ALDOB: variants seen among roughly 807,000 people sequenced by gnomAD.
ALDOB encodes the protein aldolase, fructose-bisphosphate B, also known as fructose-bisphosphate aldolase B.
A neutral mutation model predicts 41.0 loss-of-function variants in ALDOB; 39 were observed. That is an observed-to-expected ratio of 0.95 (90% CI 0.74 to 1.24). The LOEUF is 1.24. Among genes scored for constraint, ALDOB ranks in the 50% most tolerant of loss-of-function variants. The pLI is 0.00. For synonymous variants in ALDOB, 175 were observed against 168.8 expected (o/e 1.04, Z -0.28); for missense variants, 530 against 457.3 (o/e 1.16, Z -1.45).
intron 3 of ALDOB, 81 bp downstream of exon 3, chr9:101,429,674 G>A (rs1353593807): frequency 4.8e-6 from 6 of 1,254,658 alleles, no homozygotes; most frequent in South Asian, 1.2e-5. Context: ...AGAATGTTCA[G>A]AGTGTTGGCC....
chr9:101,425,760 A>G (rs1831119311), intron 6 of ALDOB, 133 bp from the exon 7 acceptor site: 4 of 951,232 alleles, frequency 4.2e-6, no homozygotes, highest in Non-Finnish European at 6.5e-6. Context: ...TTCTGAACCA[A>G]TCTCCAGGCC....
At position 101,424,836 on chromosome 9, in the gene ALDOB, A is replaced by G; in HGVS notation, c.999+7T>C. 1 of 1,612,568 alleles carries G rather than the reference A, an allele frequency of 6.2e-7. No individual in the cohort carries two copies. Among genetic ancestry groups the G allele is most frequent in the Non-Finnish European group, 8.5e-7 (1 of 1,179,960 alleles). On this transcript the variant is annotated splice_region_variant and intron_variant, in intron 8 of 8. Transcript: ENST00000647789. The stretch of plus-strand genomic sequence containing the variant: ...CATCAAGTAGATAAGAGGTGGCAGC[A>G]TCTTACCATGGCCCGCTTCATAAAA...
rs17772869 is a variant in ALDOB, at chr9:101,421,603, G to A, written c.*206C>T. 3 of 633,478 alleles carry A rather than the reference G, an allele frequency of 4.7e-6. No homozygotes were observed. The East Asian group carries it at 8.6e-5, about 18-fold the overall frequency. 39.2% of individuals were successfully genotyped at this position (633,478 alleles called of 1,614,324 possible). A position where few individuals can be genotyped will look rare whatever the true frequency, so the allele number is the denominator to read the frequency against. On this transcript the variant is annotated 3_prime_UTR_variant, in exon 9 of 9. Coordinates refer to ENST00000647789, the MANE Select transcript of ALDOB (RefSeq NM_000035.4). ...CTGAAAGTGTTGCAAGGAAACTGCT[G>A]TGTGAAATTTGATCAGGTCCTTGGT...
In ALDOB at chr9:101,430,760, T is replaced by G. The variant is rs1831206701; in HGVS notation, c.112+16A>C. On this transcript the variant is annotated intron_variant, in intron 2 of 8. Coordinates refer to ENST00000647789, the MANE Select transcript of ALDOB (RefSeq NM_000035.4). ...ATAATATGTTGTTATATGATGAGAC[T>G]GCTTTTTACACTCACCTACAGATTC... 6.4e-7 allele frequency: 1 copy of G among 1,569,114 alleles called. No homozygotes were observed. The highest frequency in any genetic ancestry group is 8.8e-7 in the Non-Finnish European group (1 of 1,139,176).
rs745872339 is a variant in ALDOB at position 101,428,464 on chromosome 9, C to G, written c.379+5G>C. On this transcript the variant is annotated splice_donor_5th_base_variant and intron_variant, in intron 4 of 8. Transcript: ENST00000647789. Reference sequence around the variant, plus strand: ...ATGATTCATCTCAGTGGGCAATATCCTTACCTTGAATGGTGGTTTCTTTGT... The same window carrying G: ...ATGATTCATCTCAGTGGGCAATATCGTTACCTTGAATGGTGGTTTCTTTGT... 1.2e-6 allele frequency: 2 copies of G among 1,613,434 alleles called. No homozygotes were observed. Among genetic ancestry groups the G allele is most frequent in the Non-Finnish European group, 8.5e-7 (1 of 1,179,366 alleles).
chr9:101,431,971 G>A (rs1270256641), intron 1 of ALDOB, among the ~76,000 whole-genome samples: 3 of 152,102 alleles, frequency 2.0e-5, no homozygotes, highest in Admixed American at 6.5e-5. Context: ...ATTATAGCAG[G>A]TATTATCTTC....
At chr9:101,424,818 T>G in intron 8 of ALDOB, 25 bp downstream of exon 8, 2 of 1,611,320 alleles carry the variant, frequency 1.2e-6, no homozygotes, top group Non-Finnish European at 1.7e-6. Context: ...CATCATCAAG[T>G]AGATAAGAGG....
chr9:101,430,941 C>T (rs1470419658), intron 1 of ALDOB, 44 bp from the exon 2 acceptor site: 4 of 1,383,980 alleles, frequency 2.9e-6, no homozygotes, highest in South Asian at 1.2e-5. Context: ...CCATGGGTGG[C>T]TCAGATGGAT....
Position 101,421,840 on chromosome 9 carries a change from T to C in ALDOB, c.1064A>G (p.Gln355Arg), listed in dbSNP as rs771249114. 1.2e-6 allele frequency: 2 copies of C among 1,614,078 alleles called. No individual in the cohort carries two copies. Among genetic ancestry groups the C allele is most frequent in the East Asian group, 2.2e-5 (1 of 44,882 alleles). ...HTGSSGAAST[Q>R]SLFTACYTY ...GGTATAGCAGGCTGTGAAGAGCGACTGGGTGGAAGCAGCCCCAGAAGAACC... is the reference window on the plus strand; with the variant it reads ...GGTATAGCAGGCTGTGAAGAGCGACCGGGTGGAAGCAGCCCCAGAAGAACC... Residue 355 changes from glutamine (Q) to arginine (R), a missense_variant, in exon 9 of 9, where the codon CAG becomes CGG. By Grantham distance (43) the Gln-to-Arg change is conservative. Coordinates refer to ENST00000647789, the MANE Select transcript of ALDOB (RefSeq NM_000035.4).
rs540403326 is a variant in ALDOB at position 101,422,404 on chromosome 9, A to G, written c.1000-500T>C. On this transcript the variant is annotated intron_variant, in intron 8 of 8. Coordinates refer to ENST00000647789, the MANE Select transcript of ALDOB (RefSeq NM_000035.4). ...TATTTGAATGTCACTCAGTGGTACC[A>G]CTTCTTCCAGTCAGTGTTGCTATTG... is the stretch of plus-strand genomic sequence containing the variant. 8.5e-4 allele frequency among the ~76,000 whole-genome samples: 130 copies of G among 152,316 alleles called. 1 individual carries two copies. Among genetic ancestry groups the G allele is most frequent in the African/African-American group, 3.1e-3 (128 of 41,574 alleles).
At chr9:101,432,822 G>T (rs1160038363) in intron 1 of ALDOB, among the ~76,000 whole-genome samples, 1 of 152,056 alleles carries the variant, frequency 6.6e-6, no homozygotes, top group Non-Finnish European at 1.5e-5. Flanking sequence ...TGAGCTTGAT[G>T]AAAAAAATGG....
chr9:101,421,956 C>T (rs1831054380), intron 8 of ALDOB, 52 bp from the exon 9 acceptor site: 1 of 1,474,922 alleles, frequency 6.8e-7, no homozygotes, highest in East Asian at 2.3e-5. Context: ...GTGACCCCAC[C>T]TTGACCCTGT....
chr9:101,420,622 A>G lies in ALDOB; in HGVS notation c.*1187T>C, dbSNP rs1387594631. On this transcript the variant is annotated 3_prime_UTR_variant, in exon 9 of 9. Transcript: ENST00000647789. ...ATATATATTTTTATGATTTACATCC[A>G]TTTCTTTTATTACTTAAATAGAATT... 1 of 152,150 alleles carries G rather than the reference A, an allele frequency of 6.6e-6. No individual in the cohort carries two copies. Among genetic ancestry groups the G allele is most frequent in the East Asian group, 1.9e-4 (1 of 5,198 alleles). The allele number at this position is 152,150 out of a possible 1,614,324, so 9.4% of individuals were successfully genotyped here.
chr9:101,430,148 C>T (rs1269037340), intron 2 of ALDOB, among the ~76,000 whole-genome samples, 182 bp from the exon 3 acceptor site: 1 of 152,092 alleles, frequency 6.6e-6, no homozygotes, highest in African/African-American at 2.4e-5. Context: ...TCTCAGGTGG[C>T]TAGTTAGGGA....
Position 101,425,439 on chromosome 9 carries a change from A to AAAG in ALDOB, c.799+11_799+13dup. 1.2e-6 allele frequency: 2 copies of AAAG among 1,614,060 alleles called. No individual in the cohort carries two copies. Among genetic ancestry groups the AAAG allele is most frequent in the Non-Finnish European group, 1.7e-6 (2 of 1,179,944 alleles). ...GGGCTAAGACCTTGAGTTAGAGAAG[A>AAAG]AAGAAGGCCTTACCAGGAACAGCTG... On this transcript the variant is annotated intron_variant, in intron 7 of 8. Coordinates refer to ENST00000647789, the MANE Select transcript of ALDOB (RefSeq NM_000035.4).
At position 101,424,972 on chromosome 9, in the gene ALDOB, G is replaced by A. The variant is rs766799391; in HGVS notation, c.870C>T (p.Cys290=). ...TTAGTTTCCAGGGCTTTGGTAGAGG[G>A]CAAAGGTTGATAGCATTGAGGTTGA... The part of the protein sequence containing the change: ...ATLNLNAINL[C]PLPKPWKLSF... The change falls in exon 8 of 9, where the codon TGC becomes TGT. Residue 290 remains cysteine, a synonymous_variant. Coordinates refer to ENST00000647789, the MANE Select transcript of ALDOB (RefSeq NM_000035.4). 2 of 1,614,208 alleles carry A rather than the reference G, an allele frequency of 1.2e-6. No homozygotes were observed. Among genetic ancestry groups the A allele is most frequent in the South Asian group, 2.2e-5 (2 of 91,082 alleles).
At chr9:101,423,299 C>G (rs1831076232) in intron 8 of ALDOB, among the ~76,000 whole-genome samples, 1 of 152,120 alleles carries the variant, frequency 6.6e-6, no homozygotes, top group African/African-American at 2.4e-5. Flanking sequence ...AAATTTGTCA[C>G]TCTTCTACCT....
chr9:101,423,131 A>G (rs1334170257), intron 8 of ALDOB, among the ~76,000 whole-genome samples: 1 of 152,124 alleles, frequency 6.6e-6, no homozygotes, highest in Non-Finnish European at 1.5e-5. Flanking sequence ...GTAAAGCACT[A>G]CTTTGAAAAT....
Position 101,421,579 on chromosome 9 carries a change from T to C in ALDOB, c.*230A>G, listed in dbSNP as rs1354782126. 1.0e-5 allele frequency: 6 copies of C among 587,652 alleles called. No individual in the cohort carries two copies. The highest frequency in any genetic ancestry group is 1.9e-5 in the Non-Finnish European group (6 of 321,826). The allele number at this position is 587,652 out of a possible 1,614,324, so 36.4% of individuals were successfully genotyped here. On this transcript the variant is annotated 3_prime_UTR_variant, in exon 9 of 9. Transcript: ENST00000647789. ...GTGGGTATTCTGGAGCATGGGGAGCTGAAAGTGTTGCAAGGAAACTGCTGT... is the reference window on the plus strand; with the variant it reads ...GTGGGTATTCTGGAGCATGGGGAGCCGAAAGTGTTGCAAGGAAACTGCTGT...
Sources: gnomAD v4.1 joint callset for allele counts (sites outside exome capture counted in the v4.1 genomes callset) on GRCh38, gnomAD v4.1.1 for gene constraint, MANE v1.5 for transcripts, NCBI Gene and HGNC (gene_info 2026-07-23, HGNC 2026-07-21) for gene names.